GPCPD1: variants seen among roughly 807,000 people sequenced by gnomAD.
GPCPD1 encodes glycerophosphocholine phosphodiesterase GPCPD1.
GPCPD1 carries 29 observed loss-of-function variants against 89.2 expected under a neutral mutation model. The ratio of observed to expected loss-of-function variants is 0.33; its 90% confidence interval spans 0.24 to 0.44. GPCPD1 has a LOEUF of 0.44. Ranked by LOEUF, GPCPD1 falls within the 20% of genes least tolerant of loss-of-function variation. The pLI is 1.00. For synonymous variants in GPCPD1, 258 were observed against 266.3 expected (o/e 0.97, Z 0.30); for missense variants, 594 against 808.9 (o/e 0.73, Z 3.22).
At chr20:5,562,499 C>G (rs1318981236) in intron 15 of GPCPD1, among the ~76,000 whole-genome samples, 1 of 152,200 alleles carries the variant, frequency 6.6e-6, no homozygotes, top group Admixed American at 6.5e-5. Context: ...CTAGGCCAGT[C>G]TGAAACTCCT....
intron 2 of GPCPD1, among the ~76,000 whole-genome samples, chr20:5,599,357 T>C (rs755052096): frequency 1.3e-5 from 2 of 151,902 alleles, no homozygotes; most frequent in Non-Finnish European, 2.9e-5. Context: ...TCCCAGCTAC[T>C]CAGGAGGCTG....
Position 5,544,576 on chromosome 20 carries a change from G to C in GPCPD1, c.*3085C>G, listed in dbSNP as rs887686217. Reference sequence around the variant, plus strand: ...AATATAACAGGCACATAAGAAGCTGGACTACAAGGAAGCATGAGCTAACAA... The same window carrying C: ...AATATAACAGGCACATAAGAAGCTGCACTACAAGGAAGCATGAGCTAACAA... On this transcript the variant is annotated 3_prime_UTR_variant, in exon 20 of 20. Transcript: ENST00000379019. 6.6e-6 allele frequency: 1 copy of C among 152,160 alleles called. No individual in the cohort carries two copies. The highest frequency in any genetic ancestry group is 1.5e-5 in the Non-Finnish European group (1 of 68,044). 9.4% of individuals were successfully genotyped at this position (152,160 alleles called of 1,614,324 possible).
chr20:5,582,763 C>A (rs143491940), intron 6 of GPCPD1, among the ~76,000 whole-genome samples: 1 of 152,012 alleles, frequency 6.6e-6, no homozygotes, highest in Non-Finnish European at 1.5e-5. Flanking sequence ...ATGACACTCA[C>A]CTATAGTCCC....
chr20:5,593,257 G>T, intron 4 of GPCPD1, 70 bp downstream of exon 4: 1 of 790,762 alleles, frequency 1.3e-6, no homozygotes, highest in Admixed American at 2.0e-5. Flanking sequence ...CTTTGAACGT[G>T]TTCAAACTTA....
At chr20:5,566,643 CCAAGTAT>C (rs1251281136) in intron 14 of GPCPD1, 83 bp downstream of exon 14, 8 of 778,324 alleles carry the variant, frequency 1.0e-5, no homozygotes, top group Non-Finnish European at 4.6e-6. Flanking sequence ...ATAAAAATGA[CCAAGTAT>C]CAAGTATGTG....
intron 2 of GPCPD1, among the ~76,000 whole-genome samples, chr20:5,600,665 C>T (rs571219837): frequency 6.6e-6 from 1 of 152,268 alleles, no homozygotes; most frequent in East Asian, 1.9e-4. Flanking sequence ...AACCCCATCT[C>T]TACTAAAAAT....
In GPCPD1 at chr20:5,559,999, T is replaced by C; in HGVS notation, c.1473A>G (p.Leu491=). The part of the protein sequence containing the change: ...LFLDIILKTV[L]ENSGKRRIVF... ...CTATTCTCCTCTTCCCAGAATTTTC[T>C]AAAACAGTTTTTAAAATTATATCCA... Residue 491 remains leucine (L), a synonymous_variant, in exon 17 of 20, where the codon TTA becomes TTG. Transcript: ENST00000379019. 1.3e-6 allele frequency: 2 copies of C among 1,575,904 alleles called. No individual in the cohort carries two copies. Among genetic ancestry groups the C allele is most frequent in the Non-Finnish European group, 1.7e-6 (2 of 1,153,338 alleles).
At chr20:5,569,424 T>C (rs1357138209) in intron 12 of GPCPD1, among the ~76,000 whole-genome samples, 1 of 152,112 alleles carries the variant, frequency 6.6e-6, no homozygotes, top group Non-Finnish European at 1.5e-5. Context: ...GACTATATCA[T>C]TATCATGATT....
chr20:5,575,280 C>T (rs1423659408), intron 10 of GPCPD1, 133 bp downstream of exon 10: 3 of 655,312 alleles, frequency 4.6e-6, no homozygotes, highest in Non-Finnish European at 7.7e-6. Flanking sequence ...GTCTCTAACC[C>T]CAATTACCAA....
intron 3 of GPCPD1, among the ~76,000 whole-genome samples, chr20:5,595,907 G>C (rs758697035): frequency 1.3e-5 from 2 of 152,074 alleles, no homozygotes; most frequent in Non-Finnish European, 2.9e-5. Context: ...CTAATAAGCT[G>C]TGAAAAACGT....
chr20:5,571,700 G>C (rs1986727951), intron 11 of GPCPD1, among the ~76,000 whole-genome samples: 1 of 152,164 alleles, frequency 6.6e-6, no homozygotes, highest in African/African-American at 2.4e-5. Context: ...CCTGAGGTAA[G>C]AAGTTCAAGA....
chr20:5,570,042 TTAACCAATTC>T, intron 12 of GPCPD1, 95 bp downstream of exon 12: 1 of 543,346 alleles, frequency 1.8e-6, no homozygotes, highest in Non-Finnish European at 3.3e-6. Flanking sequence ...AGAAAATGAA[TTAACCAATTC>T]TATTTAATAA....
rs763244164 is a variant in GPCPD1, at chr20:5,561,525, T to C, written c.1335A>G (p.Leu445=). 3.1e-6 allele frequency: 5 copies of C among 1,589,310 alleles called. No homozygotes were observed. The highest frequency in any genetic ancestry group is 4.3e-6 in the Non-Finnish European group (5 of 1,159,384). ...NQPFPSLKMV[L]ESLPEDVGFN... is the part of the protein sequence containing the mutation. ...ACCCTACATCTTCTGGCAAAGACTC[T>C]AAAACCTACAGTTTTGTTTGTTGGT... The change falls in exon 16 of 20, where the codon TTA becomes TTG. Residue 445 remains leucine, a synonymous_variant. Coordinates refer to ENST00000379019, the MANE Select transcript of GPCPD1 (RefSeq NM_019593.5).
chr20:5,547,501 T>C lies in GPCPD1; in HGVS notation c.*160A>G. Reference sequence around the variant, plus strand: ...ATTATACCTGGCCAAGTAATTTAAATAGCATACTTGCAAGAACTGTAGTGA... The same window carrying C: ...ATTATACCTGGCCAAGTAATTTAAACAGCATACTTGCAAGAACTGTAGTGA... On this transcript the variant is annotated 3_prime_UTR_variant, in exon 20 of 20. Coordinates refer to ENST00000379019, the MANE Select transcript of GPCPD1 (RefSeq NM_019593.5). The C allele has an allele frequency of 4.8e-6, 2 of 418,388 alleles. No homozygotes were observed. Among genetic ancestry groups the C allele is most frequent in the Non-Finnish European group, 8.6e-6 (2 of 231,964 alleles). The allele number at this position is 418,388 out of a possible 1,614,324, so 25.9% of individuals were successfully genotyped here.
chr20:5,576,033 A>G (rs1978287818), intron 8 of GPCPD1, 55 bp from the exon 9 acceptor site: 9 of 817,298 alleles, frequency 1.1e-5, no homozygotes, highest in Admixed American at 6.2e-5. Flanking sequence ...CATTACATAC[A>G]TACATATACA....
chr20:5,562,244 A>C (rs1338743296), intron 15 of GPCPD1, among the ~76,000 whole-genome samples: 1 of 152,208 alleles, frequency 6.6e-6, no homozygotes, highest in Non-Finnish European at 1.5e-5. Flanking sequence ...CATATACATA[A>C]ATATGCTCAG....
chr20:5,609,972 G>A (rs1189161221), intron 1 of GPCPD1, among the ~76,000 whole-genome samples: 2 of 152,196 alleles, frequency 1.3e-5, no homozygotes, highest in Non-Finnish European at 2.9e-5. Flanking sequence ...AGAAATGGGA[G>A]GAGGCGACAG....
chr20:5,594,650 C>T (rs139341871), intron 3 of GPCPD1, among the ~76,000 whole-genome samples: 17 of 152,292 alleles, frequency 1.1e-4, no homozygotes, highest in Non-Finnish European at 2.1e-4. Context: ...ATTAACCAAA[C>T]GTTAATTCAG....
intron 11 of GPCPD1, among the ~76,000 whole-genome samples, chr20:5,573,299 T>C (rs1986822095): frequency 6.6e-6 from 1 of 152,162 alleles, no homozygotes; most frequent in Non-Finnish European, 1.5e-5. Flanking sequence ...TTGGCCAGGC[T>C]GGTCTTGAAC....
Sources: gnomAD v4.1 joint callset for allele counts (sites outside exome capture counted in the v4.1 genomes callset) on GRCh38, gnomAD v4.1.1 for gene constraint, MANE v1.5 for transcripts, NCBI Gene and HGNC (gene_info 2026-07-23, HGNC 2026-07-21) for gene names.